The following EML5 variants were observed in gnomAD, a reference collection of about 807,000 sequenced individuals.
EML5 encodes the protein EMAP like 5.
Under a neutral mutation model 250.0 loss-of-function variants are expected in EML5, and 120 were observed. That is an observed-to-expected ratio of 0.48 (90% CI 0.41 to 0.56). The LOEUF (loss-of-function observed/expected upper bound fraction) is 0.56. Among genes scored for constraint, EML5 ranks in the 20% least tolerant of loss-of-function variants. The pLI is 0.00. For synonymous variants in EML5, 771 were observed against 806.5 expected, an observed-to-expected ratio of 0.96 and a Z score of 0.75; for missense variants, 2,006 against 2,437.6, an observed-to-expected ratio of 0.82 and a Z score of 3.73.
At chr14:88,717,804 C>T (rs1006526552) in intron 8 of EML5, among the ~76,000 whole-genome samples, 4 of 151,994 alleles carry the variant, frequency 2.6e-5, no homozygotes, top group African/African-American at 9.7e-5. Flanking sequence ...ATTAAAGGAG[C>T]ATAGTAATAG....
chr14:88,626,421 G>A (rs1687284721), intron 35 of EML5: 2 of 171,818 alleles, frequency 1.2e-5, no homozygotes, highest in Non-Finnish European at 2.5e-5. Flanking sequence ...AGGAGCTTGA[G>A]ACCACCTAGG....
At chr14:88,640,775 G>A (rs532086117) in intron 31 of EML5, among the ~76,000 whole-genome samples, 1 of 151,910 alleles carries the variant, frequency 6.6e-6, no homozygotes, top group African/African-American at 2.4e-5. Flanking sequence ...AAAAAAATCG[G>A]TTTTTTGAAA....
chr14:88,727,559 G>A (rs983495067), intron 7 of EML5, among the ~76,000 whole-genome samples: 12 of 151,752 alleles, frequency 7.9e-5, no homozygotes, highest in Non-Finnish European at 1.6e-4. Context: ...GCACCACCAC[G>A]CCTGTATTTT....
chr14:88,745,520 T>C (rs2093992903), intron 3 of EML5, among the ~76,000 whole-genome samples: 1 of 152,034 alleles, frequency 6.6e-6, no homozygotes, highest in Non-Finnish European at 1.5e-5. Context: ...AAATGTTAGG[T>C]CTCTAAAAAA....
intron 2 of EML5, among the ~76,000 whole-genome samples, chr14:88,747,853 T>C (rs2094029917): frequency 6.6e-6 from 1 of 152,138 alleles, no homozygotes; most frequent in Non-Finnish European, 1.5e-5. Context: ...CTTCTAGCCA[T>C]GAAGGAGTAT....
intron 8 of EML5, 132 bp from the exon 9 acceptor site, chr14:88,715,327 AAGT>A: frequency 1.1e-6 from 1 of 872,294 alleles, no homozygotes; most frequent in Non-Finnish European, 1.7e-6. Context: ...TAAATAACAC[AAGT>A]AGTATTAATT....
At chr14:88,697,890 C>T (rs2093116309) in intron 14 of EML5, among the ~76,000 whole-genome samples, 1 of 152,014 alleles carries the variant, frequency 6.6e-6, no homozygotes, top group Non-Finnish European at 1.5e-5. Flanking sequence ...CATGTGCCAC[C>T]ACACCCAGCT....
intron 8 of EML5, among the ~76,000 whole-genome samples, chr14:88,724,832 A>G (rs2093642783): frequency 6.6e-6 from 1 of 152,190 alleles, no homozygotes; most frequent in African/African-American, 2.4e-5. Context: ...TAAACAACCA[A>G]TGAGAAAAAG....
chr14:88,763,076 C>T (rs377011836), intron 1 of EML5, among the ~76,000 whole-genome samples: 3 of 152,086 alleles, frequency 2.0e-5, no homozygotes, highest in African/African-American at 7.2e-5. Flanking sequence ...AAAATCGACA[C>T]CCTAACATCA....
intron 16 of EML5, among the ~76,000 whole-genome samples, chr14:88,694,934 A>G (rs568269683): frequency 2.0e-5 from 3 of 152,256 alleles, no homozygotes; most frequent in East Asian, 1.9e-4. Context: ...ATACATGCTC[A>G]CTGTAGAAAA....
At chr14:88,688,561 G>A (rs1772619909) in intron 17 of EML5, 88 bp from the exon 18 acceptor site, 1 of 1,375,796 alleles carries the variant, frequency 7.3e-7, no homozygotes, top group Admixed American at 1.8e-5. Context: ...TGTTGTTGTT[G>A]TTGTTTGAAT....
chr14:88,691,435 C>T lies in EML5; in HGVS notation c.2539+2872G>A, dbSNP rs2092956442. Among the ~76,000 whole-genome samples, 3 of 152,134 alleles carry T rather than the reference C, an allele frequency of 2.0e-5. No homozygotes were observed. In the South Asian group the frequency reaches 6.2e-4, roughly 32 times the overall value. On this transcript the variant is annotated intron_variant, in intron 17 of 43. Transcript: ENST00000554922. ...GCCATTTATGGAAAAAGTTTGCCACCTTTGGTTCAGAGCATTGACAGCTGG... is the reference window on the plus strand; with the variant it reads ...GCCATTTATGGAAAAAGTTTGCCACTTTTGGTTCAGAGCATTGACAGCTGG...
chr14:88,730,779 T>C lies in EML5; in HGVS notation c.1050-4101A>G, dbSNP rs1277983532. On this transcript the variant is annotated intron_variant, in intron 7 of 43. Coordinates refer to ENST00000554922, the MANE Select transcript of EML5 (RefSeq NM_183387.3). ...AAACACTAATTCAATGCAACCTAAATTGGAATCTGCTAAGATGAATTATAA... is the reference window on the plus strand; with the variant it reads ...AAACACTAATTCAATGCAACCTAAACTGGAATCTGCTAAGATGAATTATAA... Among the ~76,000 whole-genome samples the C allele has an allele frequency of 2.6e-5, 4 of 152,114 alleles. No individual in the cohort carries two copies. The East Asian group carries it at 5.8e-4, about 22-fold the overall frequency.
At chr14:88,663,585 TACTC>T (rs1317568014) in intron 23 of EML5, among the ~76,000 whole-genome samples, 1 of 152,180 alleles carries the variant, frequency 6.6e-6, no homozygotes, top group Non-Finnish European at 1.5e-5. Context: ...AATACAAACA[TACTC>T]ATTAAGTTCT....
At chr14:88,781,998 A>G (rs1453246225) in intron 1 of EML5, among the ~76,000 whole-genome samples, 4 of 152,246 alleles carry the variant, frequency 2.6e-5, no homozygotes, top group Admixed American at 2.6e-4. Flanking sequence ...AGGGCTCAGA[A>G]GAAGATAGGA....
intron 27 of EML5, among the ~76,000 whole-genome samples, chr14:88,650,409 G>A (rs915652138): frequency 1.3e-5 from 2 of 152,074 alleles, no homozygotes; most frequent in African/African-American, 2.4e-5. Context: ...AGCCAAAATC[G>A]TGCCACTGCA....
chr14:88,668,294 G>T (rs1348938522), intron 21 of EML5, among the ~76,000 whole-genome samples: 1 of 152,218 alleles, frequency 6.6e-6, no homozygotes. Flanking sequence ...AGTCCGGGGA[G>T]AAGCGCTGGA....
At chr14:88,763,252 A>G (rs1268329488) in intron 1 of EML5, among the ~76,000 whole-genome samples, 1 of 152,052 alleles carries the variant, frequency 6.6e-6, no homozygotes, top group Non-Finnish European at 1.5e-5. Context: ...ATAGATAGAC[A>G]GCTAGCAAGA....
At chr14:88,744,838 C>G (rs917617644) in intron 3 of EML5, among the ~76,000 whole-genome samples, 13 of 151,980 alleles carry the variant, frequency 8.6e-5, no homozygotes, top group Admixed American at 7.9e-4. Context: ...TTTTGGTATA[C>G]TAAAATGTAC....
Sources: allele counts gnomAD v4.1 joint callset (sites outside exome capture counted in the v4.1 genomes callset), GRCh38; gene constraint gnomAD v4.1.1; transcripts MANE v1.5; gene names NCBI Gene and HGNC (gene_info 2026-07-23, HGNC 2026-07-21).